Variants in OGA observed in about 807,000 individuals in gnomAD.
The protein encoded by OGA is O-GlcNAcase.
In OGA, 21 loss-of-function variants were observed where a neutral mutation model predicts 102.0. The ratio of observed to expected loss-of-function variants is 0.21; its 90% CI spans 0.15 to 0.30. OGA has a LOEUF of 0.30. Among genes scored for constraint, OGA ranks in the 10% least tolerant of loss-of-function variants. The pLI is 1.00. For missense variants in OGA, 765 were observed against 1,107.8 expected (o/e 0.69, Z 4.39); for synonymous variants, 408 against 378.2 (o/e 1.08, Z -0.91).
chr10:101,817,088 A>T (rs907570258), intron 1 of OGA, among the ~76,000 whole-genome samples: 8 of 152,230 alleles, frequency 5.3e-5, no homozygotes, highest in African/African-American at 1.7e-4. Flanking sequence ...AAACTGAAAC[A>T]AGCATCTGGT....
Position 101,798,050 on chromosome 10 carries a change from A to G in OGA, c.1914T>C (p.Tyr638=). 1.2e-6 allele frequency: 2 copies of G among 1,614,046 alleles called. No individual in the cohort carries two copies. Among genetic ancestry groups the G allele is most frequent in the Non-Finnish European group, 1.7e-6 (2 of 1,179,890 alleles). Residue 638 remains tyrosine (Y), a synonymous_variant, in exon 10 of 16, where the codon TAT becomes TAC. Transcript: ENST00000361464. ...TATCCCAAACATAGGAGTACATGTC[A>G]TAAAGAATTGTCCTGTTGGCACAAT... ...LSNCANRTIL[Y]DMYSYVWDIK...
At chr10:101,796,008 G>T in intron 10 of OGA, 1 of 525,470 alleles carries the variant, frequency 1.9e-6, no homozygotes, top group Non-Finnish European at 2.4e-6. Flanking sequence ...GTATCATTAA[G>T]AATTTAACTT....
chr10:101,816,451 TCTC>T (rs1327974758), intron 1 of OGA, among the ~76,000 whole-genome samples: 1 of 152,202 alleles, frequency 6.6e-6, no homozygotes, highest in Non-Finnish European at 1.5e-5. Flanking sequence ...AAATGAGTTT[TCTC>T]CTTTTATAAC....
At chr10:101,794,208 G>A in intron 10 of OGA, 1 of 360,196 alleles carries the variant, frequency 2.8e-6, no homozygotes, top group South Asian at 4.0e-5. Flanking sequence ...TGAATAATCA[G>A]TATTATCAGT....
intron 1 of OGA, among the ~76,000 whole-genome samples, chr10:101,815,100 G>C (rs1298185245): frequency 6.6e-6 from 1 of 152,096 alleles, no homozygotes; most frequent in Non-Finnish European, 1.5e-5. Flanking sequence ...CTACATAAGA[G>C]ACTAGTCTAA....
intron 6 of OGA, 118 bp from the exon 7 acceptor site, chr10:101,804,137 G>T: frequency 2.5e-6 from 2 of 812,950 alleles, no homozygotes; most frequent in Admixed American, 4.8e-5. Flanking sequence ...TTGAGCCCAG[G>T]AGTTCGGACC....
rs1014613642 is a variant in OGA, at chr10:101,803,981, T to C, written c.790A>G (p.Ile264Val). 3 of 1,613,244 alleles carry C rather than the reference T, an allele frequency of 1.9e-6. No individual in the cohort carries two copies. The highest frequency in any genetic ancestry group is 2.2e-5 in the East Asian group (1 of 44,882). Residue 264 changes from isoleucine (I) to valine (V), a missense_variant, in exon 7 of 16, where the codon ATC (isoleucine) becomes GTC (valine). Ile to Val is a conservative substitution (Grantham distance 29). Around this residue, in one of 7 missense-constraint regions of OGA, gnomAD observed 165 missense variants for 249.7 expected, o/e 0.66. Coordinates refer to ENST00000361464, the MANE Select transcript of OGA (RefSeq NM_012215.5). ...TTAATAATCTTAGAAACCTCTTCGA[T>C]GGACTCTACTGGAATTTCTTTAGAA... ...VVSKEIPVESIEEVSKIIKRA... is the reference protein window; with the variant it reads ...VVSKEIPVESVEEVSKIIKRA...
chr10:101,787,514 A>G lies in OGA; in HGVS notation c.2464T>C (p.Leu822=). 1 of 1,605,014 alleles carries G rather than the reference A, an allele frequency of 6.2e-7. No homozygotes were observed. Among genetic ancestry groups the G allele is most frequent in the Non-Finnish European group, 8.5e-7 (1 of 1,172,696 alleles). The change falls in exon 15 of 16, where the codon TTG becomes CTG. Residue 822 remains leucine (L), a synonymous_variant. Transcript: ENST00000361464. ...KELSEAEKIM[L]SFHEEQEVLP... is the part of the protein sequence containing the mutation. ...ACTTCCTGTTCTTCATGGAAACTCA[A>G]CATTATTTTCTGGAAAAATTAGAAT...
In OGA at chr10:101,813,625, T is replaced by C; in HGVS notation, c.200-19A>G. ...TAAAATCCTAGATTCAAAGTAAGAA[T>C]GAAATTATATTCAGTTTTAAAATGT... On this transcript the variant is annotated intron_variant, in intron 1 of 15. Coordinates refer to ENST00000361464, the MANE Select transcript of OGA (RefSeq NM_012215.5). The C allele has an allele frequency of 2.1e-6, 3 of 1,457,150 alleles. No individual in the cohort carries two copies. Among genetic ancestry groups the C allele is most frequent in the Non-Finnish European group, 2.9e-6 (3 of 1,050,408 alleles). 90.3% of individuals were successfully genotyped at this position (1,457,150 alleles called of 1,614,324 possible).
chr10:101,803,965 T>A lies in OGA; in HGVS notation c.806A>T (p.Lys269Met), dbSNP rs2065432294. The A allele has an allele frequency of 6.2e-7, 1 of 1,613,812 alleles. No individual in the cohort carries two copies. Among genetic ancestry groups the A allele is most frequent in the Admixed American group, 1.7e-5 (1 of 59,988 alleles). Residue 269 changes from lysine (K) to methionine (M), a missense_variant, in exon 7 of 16, where the codon AAG becomes ATG. Physicochemically the swap from Lys to Met is moderately conservative, Grantham distance 95. This residue lies in a region of OGA where 165 missense variants were observed against 249.7 expected (regional missense o/e 0.66). Transcript: ENST00000361464. ...IPVESIEEVS[K>M]IIKRAPVIWD... is the part of the protein sequence containing the mutation. ...GATTACTGGAGCTCTCTTAATAATC[T>A]TAGAAACCTCTTCGATGGACTCTAC... is the stretch of plus-strand genomic sequence containing the variant.
intron 14 of OGA, among the ~76,000 whole-genome samples, chr10:101,790,258 A>G (rs1313955941): frequency 6.8e-6 from 1 of 146,400 alleles, no homozygotes; most frequent in Non-Finnish European, 1.5e-5. Flanking sequence ...AACGACCATA[A>G]TATCTTGTTT....
intron 14 of OGA, chr10:101,787,766 C>A: frequency 2.5e-6 from 1 of 404,920 alleles, no homozygotes; most frequent in South Asian, 3.6e-5. Flanking sequence ...CGCGCTCTCT[C>A]TCTCTCTCTC....
intron 1 of OGA, among the ~76,000 whole-genome samples, chr10:101,815,653 AT>A (rs76000708): frequency 0.21 from 31,965 of 149,348 alleles, 4,049 homozygotes; most frequent in Non-Finnish European, 0.29. Flanking sequence ...TAGCATTATC[AT>A]TTTTTTTTTA....
At chr10:101,817,044 C>A (rs2065637360) in intron 1 of OGA, among the ~76,000 whole-genome samples, 1 of 152,184 alleles carries the variant, frequency 6.6e-6, no homozygotes, top group African/African-American at 2.4e-5. Context: ...CTCTACAGAG[C>A]TGCAAGGTGG....
intron 6 of OGA, among the ~76,000 whole-genome samples, chr10:101,804,527 C>A (rs1018902449): frequency 3.3e-5 from 5 of 152,134 alleles, no homozygotes; most frequent in Non-Finnish European, 7.3e-5. Flanking sequence ...CCTGCCTCGG[C>A]CTCCCAAAGT....
intron 7 of OGA, among the ~76,000 whole-genome samples, chr10:101,803,058 T>C (rs1176624548): frequency 6.7e-6 from 1 of 149,428 alleles, no homozygotes; most frequent in African/African-American, 2.5e-5. Flanking sequence ...GGAGAATCGC[T>C]TGAACCTGGG....
intron 14 of OGA, among the ~76,000 whole-genome samples, chr10:101,790,494 C>G (rs966347984): frequency 6.6e-6 from 1 of 152,034 alleles, no homozygotes; most frequent in African/African-American, 2.4e-5. Context: ...CCGGGCTGGT[C>G]TTGAACTCCT....
At chr10:101,790,106 G>A (rs2065239731) in intron 14 of OGA, among the ~76,000 whole-genome samples, 1 of 152,044 alleles carries the variant, frequency 6.6e-6, no homozygotes, top group Non-Finnish European at 1.5e-5. Flanking sequence ...ATTAAGAAGT[G>A]CTCCTATCAC....
chr10:101,792,957 A>T lies in OGA; in HGVS notation c.2071-14T>A. 6.2e-7 allele frequency: 1 copy of T among 1,600,926 alleles called. No homozygotes were observed. The highest frequency in any genetic ancestry group is 8.6e-7 in the Non-Finnish European group (1 of 1,168,126). On this transcript the variant is annotated splice_polypyrimidine_tract_variant and intron_variant, in intron 11 of 15. Coordinates refer to ENST00000361464, the MANE Select transcript of OGA (RefSeq NM_012215.5). ...TGGCAGCAAACGCTGTGGGAAGAAAAAAAAGGAGATGGATTAGTTTGGGGA... is the reference window on the plus strand; with the variant it reads ...TGGCAGCAAACGCTGTGGGAAGAAATAAAAGGAGATGGATTAGTTTGGGGA...
Sources: allele counts gnomAD v4.1 joint callset (sites outside exome capture counted in the v4.1 genomes callset), GRCh38; gene constraint gnomAD v4.1.1; regional missense constraint gnomAD v4.1.1; transcripts MANE v1.5; gene names NCBI Gene and HGNC (gene_info 2026-07-23, HGNC 2026-07-21).